Variants in BMS1 observed in about 807,000 individuals in gnomAD.
BMS1 encodes the protein ribosome biogenesis protein BMS1 homolog.
In BMS1, 53 loss-of-function variants were observed where a neutral mutation model predicts 138.7. The ratio of observed to expected loss-of-function variants is 0.38; its 90% CI spans 0.31 to 0.48. The LOEUF (loss-of-function observed/expected upper bound fraction) is 0.48, where lower values mean the gene tolerates loss of function less well. BMS1 is among the 20% of genes least tolerant of loss of function. The probability of loss-of-function intolerance (pLI) is 0.97; values close to 1 mark genes in which losing one functional copy is unlikely to be tolerated. For synonymous variants in BMS1, 504 were observed against 539.9 expected, an observed-to-expected ratio of 0.93 and a Z score of 0.92; for missense variants, 1,360 against 1,565.5, an observed-to-expected ratio of 0.87 and a Z score of 2.22.
Position 42,833,204 on chromosome 10 carries a change from T to C in BMS1, c.*2108T>C, listed in dbSNP as rs1376963866. On this transcript the variant is annotated 3_prime_UTR_variant, in exon 23 of 23. Coordinates refer to ENST00000374518, the MANE Select transcript of BMS1 (RefSeq NM_014753.4). ...ACCTGTTAATATTAAAAATCTTGGTTTATCATATTTGGAGAACAAGGGAAA... is the reference window on the plus strand; with the variant it reads ...ACCTGTTAATATTAAAAATCTTGGTCTATCATATTTGGAGAACAAGGGAAA... The C allele has an allele frequency of 1.3e-5, 2 of 152,234 alleles. No homozygotes were observed. Among genetic ancestry groups the C allele is most frequent in the Non-Finnish European group, 2.9e-5 (2 of 68,044 alleles). 9.4% of individuals were successfully genotyped at this position (152,234 alleles called of 1,614,324 possible).
chr10:42,814,662 T>C (rs1164288574), intron 13 of BMS1, among the ~76,000 whole-genome samples: 1 of 152,224 alleles, frequency 6.6e-6, no homozygotes, highest in African/African-American at 2.4e-5. Flanking sequence ...GTGATTCCAA[T>C]GGCAATTTAA....
In BMS1 at chr10:42,822,101, C is replaced by T; in HGVS notation, c.3049C>T (p.Leu1017=). The T allele has an allele frequency of 6.3e-7, 1 of 1,588,804 alleles. No individual in the cohort carries two copies. Among genetic ancestry groups the T allele is most frequent in the South Asian group, 1.1e-5 (1 of 90,290 alleles). Residue 1017 remains leucine, a synonymous_variant, in exon 19 of 23, where the codon CTG becomes TTG. Transcript: ENST00000374518. Reference sequence around the variant, plus strand: ...AGCTGCTACAGGAGTTGTCCTTGATCTGGATAAATCCATAAAAATTGTGAA... The same window carrying T: ...AGCTGCTACAGGAGTTGTCCTTGATTTGGATAAATCCATAAAAATTGTGAA... The part of the protein sequence containing the change: ...RIAATGVVLD[L]DKSIKIVKKL...
intron 13 of BMS1, among the ~76,000 whole-genome samples, chr10:42,806,814 CTT>C (rs1388307428): frequency 1.4e-5 from 2 of 147,984 alleles, no homozygotes; most frequent in Admixed American, 1.3e-4. Flanking sequence ...CCTAATTAAA[CTT>C]TTAAGTTTGA....
intron 13 of BMS1, among the ~76,000 whole-genome samples, chr10:42,804,271 C>T (rs1193182337): frequency 6.6e-6 from 1 of 152,194 alleles, no homozygotes; most frequent in Non-Finnish European, 1.5e-5. Flanking sequence ...CTAAATGGGT[C>T]ATATGATAGG....
At position 42,796,730 on chromosome 10, in the gene BMS1, A is replaced by G; in HGVS notation, c.1486A>G (p.Met496Val). Residue 496 changes from methionine (M) to valine (V), a missense_variant, in exon 10 of 23, where the codon ATG becomes GTG. Physicochemically the swap from Met to Val is conservative, Grantham distance 21. Coordinates refer to ENST00000374518, the MANE Select transcript of BMS1 (RefSeq NM_014753.4). ...RKLELEEDSE[M>V]DLPAFADSDD... Reference sequence around the variant, plus strand: ...ACTTGAGTTGGAAGAAGACAGTGAAATGGATTTGCCAGCATTTGCTGACAG... The same window carrying G: ...ACTTGAGTTGGAAGAAGACAGTGAAGTGGATTTGCCAGCATTTGCTGACAG... 1.2e-6 allele frequency: 2 copies of G among 1,614,206 alleles called. No homozygotes were observed. The highest frequency in any genetic ancestry group is 1.1e-5 in the South Asian group (1 of 91,088).
chr10:42,817,263 TTAAAG>T, intron 14 of BMS1, 50 bp from the exon 15 acceptor site: 1 of 1,290,564 alleles, frequency 7.7e-7, no homozygotes, highest in South Asian at 1.4e-5. Context: ...AAGCTAATGT[TTAAAG>T]AAAAGACCTT....
chr10:42,790,723 G>A (rs967443579), intron 5 of BMS1, among the ~76,000 whole-genome samples: 5 of 151,958 alleles, frequency 3.3e-5, no homozygotes, highest in Admixed American at 6.6e-5. Context: ...GGTGGCGTGC[G>A]CCTGTAATCC....
At chr10:42,815,429 T>C (rs1842319630) in intron 13 of BMS1, among the ~76,000 whole-genome samples, 1 of 152,240 alleles carries the variant, frequency 6.6e-6, no homozygotes. Flanking sequence ...TATTTTATCC[T>C]TTTTTGCTTT....
chr10:42,786,964 T>C (rs1841351809), intron 3 of BMS1, among the ~76,000 whole-genome samples: 1 of 152,344 alleles, frequency 6.6e-6, no homozygotes, highest in African/African-American at 2.4e-5. Context: ...TTTGATGTTA[T>C]TTAAATTTAG....
intron 12 of BMS1, among the ~76,000 whole-genome samples, chr10:42,801,913 G>A (rs1312284557): frequency 6.6e-6 from 1 of 152,134 alleles, no homozygotes; most frequent in Non-Finnish European, 1.5e-5. Context: ...GGTCAGTAGA[G>A]TAGTAGTATT....
At chr10:42,802,435 A>G (rs990861654) in intron 13 of BMS1, among the ~76,000 whole-genome samples, 2 of 152,216 alleles carry the variant, frequency 1.3e-5, no homozygotes, top group African/African-American at 4.8e-5. Context: ...TTTAAAAGTG[A>G]GAAACTTTCC....
rs756385676 is a variant in BMS1, at chr10:42,832,034, G to A, written c.*938G>A. The A allele has an allele frequency of 9.9e-5, 15 of 152,088 alleles. No homozygotes were observed. The highest frequency in any genetic ancestry group is 1.9e-4 in the Non-Finnish European group (13 of 68,034). The allele number at this position is 152,088 out of a possible 1,614,324, so 9.4% of individuals were successfully genotyped here. A position where few individuals can be genotyped will look rare whatever the true frequency, so the allele number is the denominator to read the frequency against. On this transcript the variant is annotated 3_prime_UTR_variant, in exon 23 of 23. Coordinates refer to ENST00000374518, the MANE Select transcript of BMS1 (RefSeq NM_014753.4). ...TAATGTTTCACACATATAACAATCA[G>A]GATGTTGACATCAATACAGCCCGCT...
rs756366327 is a variant in BMS1, at chr10:42,817,418, T to A, written c.2504T>A (p.Met835Lys). The A allele has an allele frequency of 3.7e-6, 6 of 1,609,244 alleles. No homozygotes were observed. In the Admixed American group the frequency reaches 8.4e-5, roughly 23 times the overall value. ...GATAAGAAGAGAAAATTGAAGGAGA[T>A]GTTTGATGCAGAATATGATGAAGGA... ...HLDKKRKLKE[M>K]FDAEYDEGES... is the part of the protein sequence containing the mutation. Residue 835 changes from methionine to lysine, a missense_variant, in exon 15 of 23, where the codon ATG becomes AAG. Met to Lys is a moderately conservative substitution (Grantham distance 95). This residue lies in a region of BMS1 where 425 missense variants were observed against 568.3 expected (regional missense o/e 0.75). Transcript: ENST00000374518.
rs919459231 is a variant in BMS1, at chr10:42,833,124, T to A, written c.*2028T>A. 3 of 152,190 alleles carry A rather than the reference T, an allele frequency of 2.0e-5. No individual in the cohort carries two copies. Among genetic ancestry groups the A allele is most frequent in the Non-Finnish European group, 2.9e-5 (2 of 68,048 alleles). The allele number at this position is 152,190 out of a possible 1,614,324, so 9.4% of individuals were successfully genotyped here. A position where few individuals can be genotyped will look rare whatever the true frequency, so the allele number is the denominator to read the frequency against. ...ATGGGGGAAATAAAAGAATGTTTAA[T>A]TACAGTTGCAGATAATTGCCTTTTC... On this transcript the variant is annotated 3_prime_UTR_variant, in exon 23 of 23. Coordinates refer to ENST00000374518, the MANE Select transcript of BMS1 (RefSeq NM_014753.4).
intron 13 of BMS1, among the ~76,000 whole-genome samples, chr10:42,808,578 C>T (rs1376490399): frequency 1.3e-5 from 2 of 152,070 alleles, no homozygotes; most frequent in African/African-American, 2.4e-5. Flanking sequence ...GGATTACAGG[C>T]GTGAGCCACC....
intron 13 of BMS1, 91 bp downstream of exon 13, chr10:42,802,309 A>G: frequency 1.8e-6 from 2 of 1,120,154 alleles, no homozygotes; most frequent in Non-Finnish European, 2.5e-6. Flanking sequence ...TGAAAATAAT[A>G]GTCACTTGTC....
intron 13 of BMS1, among the ~76,000 whole-genome samples, chr10:42,815,155 G>A (rs192381882): frequency 6.6e-6 from 1 of 152,292 alleles, no homozygotes; most frequent in East Asian, 1.9e-4. Context: ...GTGCTAAAGG[G>A]AGAATTGGCG....
intron 13 of BMS1, among the ~76,000 whole-genome samples, chr10:42,810,934 G>A (rs984695159): frequency 2.0e-5 from 3 of 151,996 alleles, no homozygotes; most frequent in Non-Finnish European, 4.4e-5. Context: ...TATCTTTGTC[G>A]TAAAATTTAT....
chr10:42,809,597 G>C (rs1842109352), intron 13 of BMS1, among the ~76,000 whole-genome samples: 2 of 152,188 alleles, frequency 1.3e-5, no homozygotes, highest in South Asian at 4.2e-4. Context: ...TTAATTCAGT[G>C]ACTAGACTTT....
Sources: allele counts gnomAD v4.1 joint callset (sites outside exome capture counted in the v4.1 genomes callset), GRCh38; gene constraint gnomAD v4.1.1; regional missense constraint gnomAD v4.1.1; transcripts MANE v1.5; gene names NCBI Gene and HGNC (gene_info 2026-07-23, HGNC 2026-07-21).